PITPNM3: variants seen among roughly 807,000 people sequenced by gnomAD.
PITPNM3 encodes the protein PITPNM family member 3.
A neutral mutation model predicts 102.0 loss-of-function variants in PITPNM3; 26 were observed. That is an observed-to-expected ratio of 0.25 (90% CI 0.19 to 0.35). The LOEUF (loss-of-function observed/expected upper bound fraction) is 0.35, where lower values mean the gene tolerates loss of function less well. Ranked by LOEUF, PITPNM3 falls within the 10% of genes least tolerant of loss-of-function variation. The pLI is 1.00. For missense variants in PITPNM3, 1,083 were observed against 1,346.1 expected (o/e 0.80, Z 3.06); for synonymous variants, 578 against 558.6 (o/e 1.03, Z -0.49).
At chr17:6,525,607 G>A (rs1450782737) in intron 2 of PITPNM3, 144 bp from the exon 3 acceptor site, 1 of 714,710 alleles carries the variant, frequency 1.4e-6, no homozygotes, top group Non-Finnish European at 2.5e-6. Flanking sequence ...GGTGTCTGTA[G>A]CTAGACAGTT....
rs754557615 is a variant in PITPNM3, at chr17:6,478,509, C to A, written c.777+38G>T. The A allele has an allele frequency of 5.2e-5, 84 of 1,609,990 alleles. No homozygotes were observed. The highest frequency in any genetic ancestry group is 6.8e-5 in the Non-Finnish European group (80 of 1,176,826). ...CCTCTCTCCCAGGCCGGGGCCGGAA[C>A]AGGGGAGGGGAGAGGAGGAGAGGGC... On this transcript the variant is annotated intron_variant, in intron 7 of 19. Transcript: ENST00000262483. The surrounding 1 kb of genome is among the most constrained non-coding windows in gnomAD (Gnocchi z 4.4).
chr17:6,454,980 C>T lies in PITPNM3; in HGVS notation c.*358G>A, dbSNP rs1015257138. On this transcript the variant is annotated 3_prime_UTR_variant, in exon 20 of 20. Coordinates refer to ENST00000262483, the MANE Select transcript of PITPNM3 (RefSeq NM_031220.4). ...TGGGGCTGCCCCCTTGAGGGCCTGC[C>T]TAGCTCGCTGTGAAGCCTGGGGACG... is the stretch of plus-strand genomic sequence containing the variant. 3.3e-6 allele frequency: 1 copy of T among 303,276 alleles called. No individual in the cohort carries two copies. The highest frequency in any genetic ancestry group is 2.2e-5 in the African/African-American group (1 of 45,280). 18.8% of individuals were successfully genotyped at this position (303,276 alleles called of 1,614,324 possible).
intron 3 of PITPNM3, 83 bp from the exon 4 acceptor site, chr17:6,503,657 G>T: frequency 7.2e-7 from 1 of 1,391,360 alleles, no homozygotes; most frequent in Non-Finnish European, 1.0e-6. Flanking sequence ...GCTTGGAGCT[G>T]CCTCTGACCC....
chr17:6,538,730 G>A (rs924918452), intron 1 of PITPNM3, among the ~76,000 whole-genome samples: 12 of 152,192 alleles, frequency 7.9e-5, no homozygotes, highest in South Asian at 2.1e-4. Flanking sequence ...TCTGTACAAT[G>A]AGAATCCTGG....
At chr17:6,499,268 C>G (rs931994996) in intron 4 of PITPNM3, among the ~76,000 whole-genome samples, 3 of 152,196 alleles carry the variant, frequency 2.0e-5, no homozygotes, top group African/African-American at 7.2e-5. Context: ...TGCCTGGCAG[C>G]CACAAAGGAG....
chr17:6,457,762 C>T lies in PITPNM3; in HGVS notation c.2491-40G>A, dbSNP rs368737109. 30 of 1,556,346 alleles carry T rather than the reference C, an allele frequency of 1.9e-5. No individual in the cohort carries two copies. The highest frequency in any genetic ancestry group is 3.6e-4 in the Middle Eastern group (2 of 5,552). ...AGGCATAGGGGGAGAGTGAGGCCAG[C>T]CCACCCCCTGGAAAGCCTTCCCAGG... On this transcript the variant is annotated intron_variant, in intron 18 of 19. Transcript: ENST00000262483. The surrounding 1 kb of genome is among the most constrained non-coding windows in gnomAD (Gnocchi z 4.7).
At chr17:6,494,665 T>G (rs1250069725) in intron 4 of PITPNM3, among the ~76,000 whole-genome samples, 1 of 152,196 alleles carries the variant, frequency 6.6e-6, no homozygotes, top group Non-Finnish European at 1.5e-5. Context: ...TGACACACTA[T>G]GGGCCAGGGT....
chr17:6,480,710 G>A (rs1415259654), intron 6 of PITPNM3: 3 of 152,426 alleles, frequency 2.0e-5, no homozygotes, highest in African/African-American at 7.2e-5. Context: ...GCCAGCCCCA[G>A]TGATCTGCCG....
chr17:6,536,023 C>T (rs554053584), intron 2 of PITPNM3, among the ~76,000 whole-genome samples: 10 of 150,052 alleles, frequency 6.7e-5, no homozygotes, highest in African/African-American at 2.2e-4. Flanking sequence ...AAGATCGCTC[C>T]GTTGCACCGC....
intron 1 of PITPNM3, among the ~76,000 whole-genome samples, chr17:6,552,912 G>A (rs993764228): frequency 6.6e-5 from 10 of 151,862 alleles, no homozygotes; most frequent in African/African-American, 1.9e-4. Flanking sequence ...GACTACAGGC[G>A]CCCACCATCA....
At chr17:6,491,155 A>C (rs556009436) in intron 4 of PITPNM3, among the ~76,000 whole-genome samples, 28 of 148,822 alleles carry the variant, frequency 1.9e-4, no homozygotes, top group African/African-American at 6.8e-4. Context: ...CAGAGCTCTG[A>C]TAGGTACTCT....
At chr17:6,482,036 GTCTGTCTC>G (rs1905756790) in intron 6 of PITPNM3, among the ~76,000 whole-genome samples, 2 of 25,830 alleles carry the variant, frequency 7.7e-5, no homozygotes, top group African/African-American at 3.3e-4. Context: ...CTCTCTCTCT[GTCTGTCTC>G]TCTCTCTCTC....
chr17:6,521,142 T>G (rs1431413908), intron 3 of PITPNM3: 1 of 152,392 alleles, frequency 6.6e-6, no homozygotes, highest in Non-Finnish European at 1.5e-5. Flanking sequence ...CCGGGTGTGA[T>G]GGCTCACACC....
chr17:6,505,195 AATATAT>A (rs55839764), intron 3 of PITPNM3, among the ~76,000 whole-genome samples: 15 of 136,310 alleles, frequency 1.1e-4, no homozygotes, highest in African/African-American at 4.1e-4. Flanking sequence ...AGACAAATAA[AATATAT>A]ATATATATAT....
In PITPNM3 at chr17:6,538,049, T is replaced by A. The variant is rs746123615; in HGVS notation, c.56A>T (p.His19Leu). 1.9e-6 allele frequency: 3 copies of A among 1,613,036 alleles called. No homozygotes were observed. Among genetic ancestry groups the A allele is most frequent in the Non-Finnish European group, 2.5e-6 (3 of 1,179,418 alleles). Residue 19 changes from histidine (H) to leucine (L), a missense_variant, in exon 2 of 20, where the codon CAC becomes CTC. By Grantham distance (99) the His-to-Leu change is moderately conservative. Around this residue, in one of 5 missense-constraint regions of PITPNM3, gnomAD observed 290 missense variants for 337.8 expected, o/e 0.86. Coordinates refer to ENST00000262483, the MANE Select transcript of PITPNM3 (RefSeq NM_031220.4). ...GPPPGGGAPW[H>L]LRNVLSDSVE... ...AGAGTCACTGAGGACATTTCGAAGG[T>A]GCCAGGGGGCACCGCCGCCCGGGGG...
In PITPNM3 at chr17:6,470,521, GT is replaced by G; in HGVS notation, c.1625-114del. 2.1e-6 allele frequency: 3 copies of G among 1,428,038 alleles called. No homozygotes were observed. The highest frequency in any genetic ancestry group is 2.9e-6 in the Non-Finnish European group (3 of 1,023,934). 88.5% of individuals were successfully genotyped at this position (1,428,038 alleles called of 1,614,324 possible). ...GGTGGATGCCCCACGTGGGGCACGG[GT>G]TTGGGCGGGAGCACCCTGGCCTGGA... is the stretch of plus-strand genomic sequence containing the variant. On this transcript the variant is annotated intron_variant, in intron 12 of 19. Coordinates refer to ENST00000262483, the MANE Select transcript of PITPNM3 (RefSeq NM_031220.4). This position sits in a 1 kb window ranked among gnomAD's most constrained non-coding sequence, Gnocchi z 4.8.
In PITPNM3 at chr17:6,457,812, G is replaced by A; in HGVS notation, c.2491-90C>T. On this transcript the variant is annotated intron_variant, in intron 18 of 19. Coordinates refer to ENST00000262483, the MANE Select transcript of PITPNM3 (RefSeq NM_031220.4). The surrounding 1 kb of genome is among the most constrained non-coding windows in gnomAD (Gnocchi z 4.7). ...GCCAACCCCAGGGGGCCCCTGCTTG[G>A]GGACCCTTTATGTGCACTCTGGTAG... The A allele has an allele frequency of 6.6e-7, 1 of 1,514,094 alleles. No homozygotes were observed. Among genetic ancestry groups the A allele is most frequent in the Non-Finnish European group, 8.9e-7 (1 of 1,122,396 alleles). The allele number at this position is 1,514,094 out of a possible 1,614,324, so 93.8% of individuals were successfully genotyped here.
chr17:6,502,630 A>G (rs1441671424), intron 4 of PITPNM3, among the ~76,000 whole-genome samples: 1 of 152,166 alleles, frequency 6.6e-6, no homozygotes, highest in Non-Finnish European at 1.5e-5. Flanking sequence ...GGTGGTGGGC[A>G]GAGTGGACTG....
In PITPNM3 at chr17:6,455,312, T is replaced by TCCCTGCTCTGAGCACAGCCCACCCC; in HGVS notation, c.*1_*25dup. 6.4e-7 allele frequency: 1 copy of TCCCTGCTCTGAGCACAGCCCACCCC among 1,550,964 alleles called. No homozygotes were observed. The highest frequency in any genetic ancestry group is 2.3e-5 in the East Asian group (1 of 43,842). On this transcript the variant is annotated 3_prime_UTR_variant, in exon 20 of 20. Coordinates refer to ENST00000262483, the MANE Select transcript of PITPNM3 (RefSeq NM_031220.4). ...CAGGCAGCCTGATTGGGCCCCCCGCTCCCTGCTCTGAGCACAGCCCACCCC... is the reference window on the plus strand; with the variant it reads ...CAGGCAGCCTGATTGGGCCCCCCGCTCCCTGCTCTGAGCACAGCCCACCCCCCCTGCTCTGAGCACAGCCCACCCC...
Sources: allele counts gnomAD v4.1 joint callset (sites outside exome capture counted in the v4.1 genomes callset), GRCh38; gene constraint gnomAD v4.1.1; regional missense constraint gnomAD v4.1.1; non-coding constraint Gnocchi (gnomAD v3.1); transcripts MANE v1.5; gene names NCBI Gene and HGNC (gene_info 2026-07-23, HGNC 2026-07-21).